EREG: variants seen among roughly 807,000 people sequenced by gnomAD.
The protein encoded by EREG is proepiregulin.
EREG carries 23 observed loss-of-function variants against 22.4 expected under a neutral mutation model. The observed-to-expected ratio is 1.03, with a 90% CI of 0.74 to 1.46. The LOEUF (loss-of-function observed/expected upper bound fraction) is 1.46. EREG is among the 40% of genes most tolerant of loss of function. The pLI, the probability that EREG is intolerant of heterozygous loss-of-function variation, is 0.00. For synonymous variants in EREG, 100 were observed against 75.4 expected, an observed-to-expected ratio of 1.33 and a Z score of -1.69; for missense variants, 226 against 205.9, an observed-to-expected ratio of 1.10 and a Z score of -0.60.
chr4:74,382,258 C>T (rs1752491756), intron 3 of EREG, among the ~76,000 whole-genome samples: 1 of 152,070 alleles, frequency 6.6e-6, no homozygotes, highest in African/African-American at 2.4e-5. Context: ...CGAGAGATCA[C>T]ACCACTGCTA....
At chr4:74,367,863 C>T (rs1383195965) in intron 1 of EREG, among the ~76,000 whole-genome samples, 4 of 152,164 alleles carry the variant, frequency 2.6e-5, no homozygotes, top group African/African-American at 9.7e-5. Flanking sequence ...TCTGATTCAG[C>T]ACTAAGACCC....
At position 74,388,109 on chromosome 4, in the gene EREG, A is replaced by T. The variant is rs1210607188; in HGVS notation, c.*3301A>T. 6.6e-6 allele frequency: 1 copy of T among 152,224 alleles called. No individual in the cohort carries two copies. Among genetic ancestry groups the T allele is most frequent in the Non-Finnish European group, 1.5e-5 (1 of 68,042 alleles). The allele number at this position is 152,224 out of a possible 1,614,324, so 9.4% of individuals were successfully genotyped here. ...AAATTCAATCACCACCAGGTATCAA[A>T]TCAACTTTTATGCAGCAAATATATG... is the stretch of plus-strand genomic sequence containing the variant. On this transcript the variant is annotated 3_prime_UTR_variant, in exon 5 of 5. Transcript: ENST00000244869.
chr4:74,387,138 G>A lies in EREG; in HGVS notation c.*2330G>A, dbSNP rs1303190794. The A allele has an allele frequency of 2.0e-5, 3 of 152,116 alleles. No individual in the cohort carries two copies. Among genetic ancestry groups the A allele is most frequent in the South Asian group, 2.1e-4 (1 of 4,820 alleles). The allele number at this position is 152,116 out of a possible 1,614,324, so 9.4% of individuals were successfully genotyped here. On this transcript the variant is annotated 3_prime_UTR_variant, in exon 5 of 5. Coordinates refer to ENST00000244869, the MANE Select transcript of EREG (RefSeq NM_001432.3). ...GTAAAGATGATTTAAGTATACAGGA[G>A]GATGTGAATAGGTTATATGCAAGCA...
chr4:74,372,744 C>T (rs1045055555), intron 1 of EREG, among the ~76,000 whole-genome samples: 1 of 151,404 alleles, frequency 6.6e-6, no homozygotes, highest in African/African-American at 2.4e-5. Flanking sequence ...GAGGCAAGTC[C>T]CACCTTTAGA....
At chr4:74,365,672 T>TG (rs1206900193) in intron 1 of EREG, among the ~76,000 whole-genome samples, 2 of 151,722 alleles carry the variant, frequency 1.3e-5, no homozygotes, top group Admixed American at 6.6e-5. Flanking sequence ...AAGCTTTTTT[T>TG]TTTTTTTTGA....
intron 2 of EREG, 128 bp from the exon 3 acceptor site, chr4:74,380,886 A>C (rs1752461509): frequency 1.0e-6 from 1 of 981,638 alleles, no homozygotes; most frequent in African/African-American, 1.6e-5. Context: ...CTACTTCTCA[A>C]AATTCTCCTT....
intron 2 of EREG, among the ~76,000 whole-genome samples, chr4:74,380,787 A>G (rs543387942): frequency 6.6e-6 from 1 of 152,130 alleles, no homozygotes. Flanking sequence ...CTTTCATGTT[A>G]TCTTCTTTTG....
At chr4:74,365,794 G>C (rs1209918962) in intron 1 of EREG, among the ~76,000 whole-genome samples, 3 of 151,716 alleles carry the variant, frequency 2.0e-5, no homozygotes, top group Non-Finnish European at 4.4e-5. Context: ...AAATTTTTTG[G>C]AGGGGGGAAA....
chr4:74,379,425 A>T, intron 1 of EREG, 23 bp from the exon 2 acceptor site: 1 of 1,404,826 alleles, frequency 7.1e-7, no homozygotes, highest in South Asian at 1.2e-5. Flanking sequence ...TTAGTTATAT[A>T]TTCGATTTTT....
rs924304305 is a variant in EREG at position 74,387,996 on chromosome 4, C to A, written c.*3188C>A. On this transcript the variant is annotated 3_prime_UTR_variant, in exon 5 of 5. Coordinates refer to ENST00000244869, the MANE Select transcript of EREG (RefSeq NM_001432.3). ...TCCTGAATATTTTTTGCTCTAATCT[C>A]TCTGCCGAAAGTCAAAGTGATGGGA... 2 of 152,176 alleles carry A rather than the reference C, an allele frequency of 1.3e-5. No homozygotes were observed. Among genetic ancestry groups the A allele is most frequent in the Admixed American group, 6.5e-5 (1 of 15,278 alleles). 9.4% of individuals were successfully genotyped at this position (152,176 alleles called of 1,614,324 possible).
At chr4:74,374,814 C>T (rs750303866) in intron 1 of EREG, among the ~76,000 whole-genome samples, 1 of 152,218 alleles carries the variant, frequency 6.6e-6, no homozygotes, top group African/African-American at 2.4e-5. Flanking sequence ...CCTGCTGGCA[C>T]ATCTGAGATT....
intron 1 of EREG, among the ~76,000 whole-genome samples, chr4:74,369,212 A>G (rs1177760008): frequency 6.6e-6 from 1 of 152,076 alleles, no homozygotes; most frequent in African/African-American, 2.4e-5. Context: ...TGAATTCTAT[A>G]GTGGTGAATT....
intron 1 of EREG, among the ~76,000 whole-genome samples, chr4:74,372,392 T>C (rs531631086): frequency 6.6e-6 from 1 of 152,372 alleles, no homozygotes; most frequent in South Asian, 2.1e-4. Context: ...AGATTCATGT[T>C]TGGCCATAGG....
Position 74,385,364 on chromosome 4 carries a change from G to C in EREG, c.*556G>C, listed in dbSNP as rs1752552799. The C allele has an allele frequency of 6.5e-6, 1 of 152,734 alleles. No individual in the cohort carries two copies. Among genetic ancestry groups the C allele is most frequent in the African/African-American group, 2.4e-5 (1 of 41,414 alleles). The allele number at this position is 152,734 out of a possible 1,614,324, so 9.5% of individuals were successfully genotyped here. A position where few individuals can be genotyped will look rare whatever the true frequency, so the allele number is the denominator to read the frequency against. ...ACACATTTGAAACAAGCTAACCCTG[G>C]GGAGTCTATGGTCTCTTCACTCAGG... On this transcript the variant is annotated 3_prime_UTR_variant, in exon 5 of 5. Transcript: ENST00000244869.
intron 1 of EREG, among the ~76,000 whole-genome samples, chr4:74,375,274 T>C (rs1348922990): frequency 6.6e-6 from 1 of 150,552 alleles, no homozygotes; most frequent in African/African-American, 2.4e-5. Context: ...ATTCCCTCCC[T>C]GTATGACTCA....
rs1221635016 is a variant in EREG at position 74,388,046 on chromosome 4, G to A, written c.*3238G>A. 1.3e-5 allele frequency: 2 copies of A among 152,148 alleles called. No individual in the cohort carries two copies. The highest frequency in any genetic ancestry group is 2.4e-5 in the African/African-American group (1 of 41,432). The allele number at this position is 152,148 out of a possible 1,614,324, so 9.4% of individuals were successfully genotyped here. On this transcript the variant is annotated 3_prime_UTR_variant, in exon 5 of 5. Transcript: ENST00000244869. ...AGAATTGGTATACTGGTATGACTAC[G>A]TCTTAAGTCAGATTTTTATTTATGA... is the stretch of plus-strand genomic sequence containing the variant.
intron 1 of EREG, among the ~76,000 whole-genome samples, chr4:74,375,981 C>T (rs892860835): frequency 6.6e-6 from 1 of 152,174 alleles, no homozygotes; most frequent in African/African-American, 2.4e-5. Flanking sequence ...GAGCGATGGA[C>T]TGTGTCCAAG....
chr4:74,384,841 A>C lies in EREG; in HGVS notation c.*33A>C. Reference sequence around the variant, plus strand: ...CATCAAACTTATGGGCAGGGATAACAGTGTGCCTGGTTAATATTAATATTC... The same window carrying C: ...CATCAAACTTATGGGCAGGGATAACCGTGTGCCTGGTTAATATTAATATTC... On this transcript the variant is annotated 3_prime_UTR_variant, in exon 5 of 5. Transcript: ENST00000244869. The C allele has an allele frequency of 7.5e-7, 1 of 1,327,512 alleles. No homozygotes were observed. The highest frequency in any genetic ancestry group is 1.1e-6 in the Non-Finnish European group (1 of 923,404). The allele number at this position is 1,327,512 out of a possible 1,614,324, so 82.2% of individuals were successfully genotyped here. A position where few individuals can be genotyped will look rare whatever the true frequency, so the allele number is the denominator to read the frequency against.
intron 1 of EREG, among the ~76,000 whole-genome samples, chr4:74,370,609 TTGTG>T (rs199564770): frequency 6.6e-6 from 1 of 151,558 alleles, no homozygotes; most frequent in Non-Finnish European, 1.5e-5. Context: ...CTGAAGATAT[TTGTG>T]TGTGTGTGTG....
Sources: allele counts gnomAD v4.1 joint callset (sites outside exome capture counted in the v4.1 genomes callset), GRCh38; gene constraint gnomAD v4.1.1; transcripts MANE v1.5; gene names NCBI Gene and HGNC (gene_info 2026-07-23, HGNC 2026-07-21).